Variants in DMD observed in about 807,000 individuals in gnomAD.
The protein encoded by DMD is mutant dystrophin.
In DMD, 63 loss-of-function variants were observed where a neutral mutation model predicts 330.1. The ratio of observed to expected loss-of-function variants is 0.19; its 90% CI spans 0.16 to 0.24. The LOEUF is 0.24. Ranked by LOEUF, DMD falls within the 10% of genes least tolerant of loss-of-function variation. The probability of loss-of-function intolerance (pLI) is 1.00; values close to 1 mark genes in which losing one functional copy is unlikely to be tolerated. For synonymous variants in DMD, 1,223 were observed against 959.8 expected (o/e 1.27, Z -5.07); for missense variants, 3,344 against 2,684.1 (o/e 1.25, Z -5.43).
rs780791345 is a variant in DMD, at chrX:32,828,625, A to ATGTATACATC, written c.265-5239_265-5238insGATGTATACA. Among the ~76,000 whole-genome samples the ATGTATACATC allele has an allele frequency of 1.8e-3, 196 of 109,879 alleles. 2 individuals carry two copies. In the East Asian group the frequency reaches 0.043, roughly 24 times the overall value. ...TATACATATGTATACATCTATACACATATATACATATGTATACATCTATAT... is the reference window on the plus strand; with the variant it reads ...TATACATATGTATACATCTATACACATGTATACATCTATATACATATGTATACATCTATAT... On this transcript the variant is annotated intron_variant, in intron 4 of 78. Coordinates refer to ENST00000357033, the MANE Select transcript of DMD (RefSeq NM_004006.3).
chrX:32,580,208 T>G (rs909206271), intron 13 of DMD, among the ~76,000 whole-genome samples: 1 of 111,249 alleles, frequency 9.0e-6, no homozygotes, highest in African/African-American at 3.3e-5. Context: ...GTTTTATACC[T>G]CGCAGACTCT....
chrX:31,425,860 T>C (rs190554536), intron 60 of DMD, among the ~76,000 whole-genome samples: 1 of 112,244 alleles, frequency 8.9e-6, no homozygotes, highest in Non-Finnish European at 1.9e-5. Flanking sequence ...CAAGTCTTGA[T>C]ATAGCTAATC....
intron 44 of DMD, among the ~76,000 whole-genome samples, chrX:31,987,672 CAA>C (rs2095519099): frequency 1.8e-5 from 2 of 111,757 alleles, no homozygotes; most frequent in South Asian, 7.5e-4. Context: ...TGGCTATTAT[CAA>C]AATACAAAAG....
chrX:32,341,967 C>G lies in DMD; in HGVS notation c.5922+133G>C, dbSNP rs922021601. On this transcript the variant is annotated intron_variant, in intron 41 of 78. Coordinates refer to ENST00000357033, the MANE Select transcript of DMD (RefSeq NM_004006.3). The stretch of plus-strand genomic sequence containing the variant: ...CAGAAGCCCAAAGTGAGGGAAACCA[C>G]TCACTTTCAGAATGTACATTAGAAG... 5 of 661,343 alleles carry G rather than the reference C, an allele frequency of 7.6e-6. No homozygotes were observed. The African/African-American group carries it at 9.0e-5, about 12-fold the overall frequency. The allele number at this position is 661,343 out of a possible 1,213,427, so 54.5% of individuals were successfully genotyped here. A position where few individuals can be genotyped will look rare whatever the true frequency, so the allele number is the denominator to read the frequency against.
rs765116457 is a variant in DMD at position 32,778,011 on chromosome X, C to T, written c.649+31482G>A. Among the ~76,000 whole-genome samples the T allele has an allele frequency of 2.7e-5, 3 of 111,598 alleles. No individual in the cohort carries two copies. In the South Asian group the frequency reaches 1.1e-3, roughly 42 times the overall value. Reference sequence around the variant, plus strand: ...AGAATTCTAAAAAACTGATATATGTCTGAATATTACTGGAAAAGAGACTGT... The same window carrying T: ...AGAATTCTAAAAAACTGATATATGTTTGAATATTACTGGAAAAGAGACTGT... On this transcript the variant is annotated intron_variant, in intron 7 of 78. Transcript: ENST00000357033.
chrX:32,723,117 T>C (rs2066498287), intron 7 of DMD, among the ~76,000 whole-genome samples: 1 of 111,466 alleles, frequency 9.0e-6, no homozygotes, highest in Non-Finnish European at 1.9e-5. Context: ...TCCATACATA[T>C]TTTGCGAAGA....
At chrX:31,731,732 A>G (rs919341614) in intron 51 of DMD, among the ~76,000 whole-genome samples, 1 of 111,651 alleles carries the variant, frequency 9.0e-6, no homozygotes, top group African/African-American at 3.2e-5. Flanking sequence ...AACAAAGATT[A>G]TCTTTATTGG....
At chrX:32,008,648 G>C in intron 44 of DMD, among the ~76,000 whole-genome samples, 1 of 111,638 alleles carries the variant, frequency 9.0e-6, no homozygotes, top group Middle Eastern at 4.6e-3. Flanking sequence ...TAAAACTGTA[G>C]ATTTAATTAA....
intron 44 of DMD, among the ~76,000 whole-genome samples, chrX:32,033,587 A>AAGAC (rs377682883): frequency 0.019 from 1,343 of 71,746 alleles, 22 homozygotes; most frequent in Non-Finnish European, 0.022. Context: ...TTAAAAAAAC[A>AAGAC]AGACAGACAG....
intron 43 of DMD, among the ~76,000 whole-genome samples, chrX:32,267,963 A>C (rs748266494): frequency 8.9e-6 from 1 of 112,480 alleles, no homozygotes; most frequent in Non-Finnish European, 1.9e-5. Flanking sequence ...TATCAAAGGT[A>C]TACATTAGCA....
chrX:31,563,508 G>A (rs2075309969), intron 55 of DMD, among the ~76,000 whole-genome samples: 1 of 111,979 alleles, frequency 8.9e-6, no homozygotes, highest in South Asian at 3.7e-4. Flanking sequence ...CCTTATTATT[G>A]ATGCAGAGAC....
chrX:32,775,361 C>T lies in DMD; in HGVS notation c.649+34132G>A, dbSNP rs762338065. On this transcript the variant is annotated intron_variant, in intron 7 of 78. Coordinates refer to ENST00000357033, the MANE Select transcript of DMD (RefSeq NM_004006.3). ...CTGTGGTGGGGGGAAGGGCTCCAAC[C>T]CCACATTTCCCCCCTGCATTGCCCT... Among the ~76,000 whole-genome samples the T allele has an allele frequency of 4.4e-5, 5 of 112,735 alleles. No homozygotes were observed. The South Asian group carries it at 1.8e-3, about 41-fold the overall frequency.
intron 59 of DMD, among the ~76,000 whole-genome samples, chrX:31,445,095 C>T (rs1243451225): frequency 8.9e-6 from 1 of 111,863 alleles, no homozygotes; most frequent in Non-Finnish European, 1.9e-5. Flanking sequence ...CTGGAACAGA[C>T]TAAGACAGTC....
intron 43 of DMD, among the ~76,000 whole-genome samples, chrX:32,233,796 C>T (rs552677081): frequency 9.2e-6 from 1 of 108,514 alleles, no homozygotes; most frequent in South Asian, 4.1e-4. Flanking sequence ...CCATGCCTGG[C>T]TAATTTTGTA....
At chrX:32,654,995 T>C (rs1406657515) in intron 9 of DMD, among the ~76,000 whole-genome samples, 2 of 111,760 alleles carry the variant, frequency 1.8e-5, no homozygotes, top group African/African-American at 6.5e-5. Flanking sequence ...GGTGGTGATA[T>C]CCCCTTTATT....
At chrX:33,234,796 T>C (rs2052447329) in intron 1 of DMD, among the ~76,000 whole-genome samples, 1 of 110,482 alleles carries the variant, frequency 9.1e-6, no homozygotes, top group African/African-American at 3.3e-5. Context: ...CATTTACTCC[T>C]AAGTCAGAAG....
At chrX:32,887,988 A>G (rs113889890) in intron 2 of DMD, among the ~76,000 whole-genome samples, 61 of 110,163 alleles carry the variant, frequency 5.5e-4, no homozygotes, top group African/African-American at 1.9e-3. Flanking sequence ...TTAATATCCA[A>G]AAATATATAA....
At position 32,727,089 on chromosome X, in the gene DMD, G is replaced by A. The variant is rs139590889; in HGVS notation, c.650-27796C>T. The stretch of plus-strand genomic sequence containing the variant: ...ACAAAGATACTGATGCTTCTTTAAT[G>A]TGACAAATTTTAGGCATGATATCAT... On this transcript the variant is annotated intron_variant, in intron 7 of 78. Transcript: ENST00000357033. Among the ~76,000 whole-genome samples, 678 of 111,003 alleles carry A rather than the reference G, an allele frequency of 6.1e-3. 10 individuals are homozygous for A. Among genetic ancestry groups the A allele is most frequent in the African/African-American group, 0.021 (631 of 30,649 alleles).
At chrX:32,429,539 TTTTCTA>T (rs1222911183) in intron 29 of DMD, among the ~76,000 whole-genome samples, 6 of 108,111 alleles carry the variant, frequency 5.5e-5, no homozygotes, top group African/African-American at 2.0e-4. Context: ...CCATCTATTT[TTTTCTA>T]TTTCTATTTT....
Sources: gnomAD v4.1 joint callset for allele counts (sites outside exome capture counted in the v4.1 genomes callset) on GRCh38, gnomAD v4.1.1 for gene constraint, MANE v1.5 for transcripts, NCBI Gene and HGNC (gene_info 2026-07-23, HGNC 2026-07-21) for gene names.